The following FCAMR variants were observed in gnomAD, a reference collection of about 807,000 sequenced individuals.
FCAMR encodes high affinity immunoglobulin alpha and immunoglobulin mu Fc receptor.
Under a neutral mutation model 52.2 loss-of-function variants are expected in FCAMR, and 51 were observed. The ratio of observed to expected loss-of-function variants is 0.98; its 90% CI spans 0.78 to 1.23. FCAMR has a LOEUF of 1.23. Among genes scored for constraint, FCAMR ranks in the 50% most tolerant of loss-of-function variants. The pLI is 0.00. For synonymous variants in FCAMR, 282 were observed against 262.0 expected (o/e 1.08, Z -0.74); for missense variants, 719 against 712.6 (o/e 1.01, Z -0.10).
At chr1:206,959,949 G>T in intron 6 of FCAMR, 152 bp from the exon 7 acceptor site, 1 of 634,218 alleles carries the variant, frequency 1.6e-6, no homozygotes, top group Non-Finnish European at 2.8e-6. Flanking sequence ...TAGTGTCAGA[G>T]CTTGGGGCTA....
At chr1:206,965,967 A>C in intron 3 of FCAMR, 109 bp from the exon 4 acceptor site, 1 of 1,453,990 alleles carries the variant, frequency 6.9e-7, no homozygotes, top group Non-Finnish European at 9.5e-7. Context: ...CAGGCCAGAT[A>C]GCTCCAGGCC....
At position 206,967,665 on chromosome 1, in the gene FCAMR, G is replaced by A; in HGVS notation, c.40-14C>T. The A allele has an allele frequency of 6.2e-7, 1 of 1,613,702 alleles. No homozygotes were observed. The highest frequency in any genetic ancestry group is 8.5e-7 in the Non-Finnish European group (1 of 1,179,676). Reference sequence around the variant, plus strand: ...CCTCACCACTTCCTGTTTGCAGAAGGGGAATTGGTTTTTTCAAGGGAAGAT... The same window carrying A: ...CCTCACCACTTCCTGTTTGCAGAAGAGGAATTGGTTTTTTCAAGGGAAGAT... On this transcript the variant is annotated splice_polypyrimidine_tract_variant and intron_variant, in intron 1 of 7. Transcript: ENST00000324852.
In FCAMR at chr1:206,970,138, A is replaced by T. The variant is rs1182959395; in HGVS notation, c.-13T>A. On this transcript the variant is annotated 5_prime_UTR_variant, in exon 1 of 8. Coordinates refer to ENST00000324852, the MANE Select transcript of FCAMR (RefSeq NM_001170631.2). ...CCTCTCCATCCATCTCAGTCCAGAAACAAGATCCAGGTGGACTTTTCTTCT... is the reference window on the plus strand; with the variant it reads ...CCTCTCCATCCATCTCAGTCCAGAATCAAGATCCAGGTGGACTTTTCTTCT... 5 of 1,613,944 alleles carry T rather than the reference A, an allele frequency of 3.1e-6. No individual in the cohort carries two copies. The highest frequency in any genetic ancestry group is 1.1e-5 in the South Asian group (1 of 91,070).
chr1:206,970,023 G>A (rs1161804715), intron 1 of FCAMR, 64 bp downstream of exon 1: 7 of 1,593,604 alleles, frequency 4.4e-6, no homozygotes, highest in Non-Finnish European at 6.0e-6. Flanking sequence ...GACAGCTATG[G>A]CTGCAGTTCA....
chr1:206,959,161 A>G (rs1332712647), intron 7 of FCAMR, among the ~76,000 whole-genome samples: 1 of 152,238 alleles, frequency 6.6e-6, no homozygotes, highest in East Asian at 1.9e-4. Context: ...ACACGTAAGT[A>G]CAGAGATAAT....
chr1:206,960,458 G>C lies in FCAMR; in HGVS notation c.1418C>G (p.Pro473Arg). 6.5e-7 allele frequency: 1 copy of C among 1,527,138 alleles called. No homozygotes were observed. Among genetic ancestry groups the C allele is most frequent in the South Asian group, 1.3e-5 (1 of 79,806 alleles). The allele number at this position is 1,527,138 out of a possible 1,614,324, so 94.6% of individuals were successfully genotyped here. The change falls in exon 6 of 8, where the codon CCC (proline) becomes CGC (arginine). Residue 473 changes from proline (P) to arginine (R), a missense_variant. By Grantham distance (103) the Pro-to-Arg change is moderately radical. Transcript: ENST00000324852. ...GGACTCCTTGCCAGGGGGTCCCCAG[G>C]GTCCTACTGCCGGGGTCTGGCTCAG... ...ATLSQTPAVG[P>R]WGPPGKESSV...
At chr1:206,965,689 G>C (rs761418394) in intron 4 of FCAMR, 26 bp downstream of exon 4, 1 of 1,535,452 alleles carries the variant, frequency 6.5e-7, no homozygotes, top group East Asian at 2.4e-5. Flanking sequence ...GTCCATGGTC[G>C]AACAAAGGGA....
intron 1 of FCAMR, chr1:206,969,483 T>A (rs1460359769): frequency 2.9e-6 from 1 of 345,824 alleles, no homozygotes. Context: ...CTTCTGTTAC[T>A]GCACACTGCG....
intron 5 of FCAMR, 92 bp from the exon 6 acceptor site, chr1:206,961,315 G>T: frequency 1.9e-6 from 2 of 1,030,170 alleles, no homozygotes; most frequent in Non-Finnish European, 2.8e-6. Flanking sequence ...TGTCTGCTAA[G>T]TGGAATGCAA....
chr1:206,959,883 A>G (rs1047189497), intron 6 of FCAMR, 86 bp from the exon 7 acceptor site: 1 of 1,139,280 alleles, frequency 8.8e-7, no homozygotes, highest in Non-Finnish European at 1.3e-6. Context: ...TCCTTACTTT[A>G]CAGATTGGGG....
chr1:206,969,312 A>T (rs1199409453), intron 1 of FCAMR: 1 of 456,468 alleles, frequency 2.2e-6, no homozygotes. Context: ...AGGAAGCAGG[A>T]GTATGAGATA....
chr1:206,969,410 G>T, intron 1 of FCAMR: 1 of 405,914 alleles, frequency 2.5e-6, no homozygotes, highest in South Asian at 1.8e-5. Context: ...CTCTGCCAAT[G>T]ACCTTCAGAA....
chr1:206,969,321 T>C (rs769212706), intron 1 of FCAMR: 19 of 456,206 alleles, frequency 4.2e-5, no homozygotes, highest in South Asian at 2.9e-4. Context: ...GAGTATGAGA[T>C]AAAATGTTTC....
At chr1:206,968,216 G>A (rs1408418125) in intron 1 of FCAMR, among the ~76,000 whole-genome samples, 1 of 152,216 alleles carries the variant, frequency 6.6e-6, no homozygotes, top group South Asian at 2.1e-4. Flanking sequence ...GCACATGCCT[G>A]TAATCCCAGC....
In FCAMR at chr1:206,958,418, A is replaced by T. The variant is rs1572656603; in HGVS notation, c.*98T>A. The T allele has an allele frequency of 1.2e-5, 16 of 1,335,988 alleles. No homozygotes were observed. Among genetic ancestry groups the T allele is most frequent in the Non-Finnish European group, 1.6e-5 (16 of 994,010 alleles). 82.8% of individuals were successfully genotyped at this position (1,335,988 alleles called of 1,614,324 possible). Reference sequence around the variant, plus strand: ...ACCGGCTGCATCAGCTTCTCTTCCCACAGGTGGAGGAAGGATGATGGAAAG... The same window carrying T: ...ACCGGCTGCATCAGCTTCTCTTCCCTCAGGTGGAGGAAGGATGATGGAAAG... On this transcript the variant is annotated 3_prime_UTR_variant, in exon 8 of 8. Transcript: ENST00000324852.
intron 4 of FCAMR, among the ~76,000 whole-genome samples, chr1:206,964,999 A>G (rs996622949): frequency 2.6e-5 from 4 of 152,210 alleles, no homozygotes; most frequent in African/African-American, 9.7e-5. Context: ...CTGCTGGAAG[A>G]GTAGAGGTCA....
At chr1:206,962,143 G>A in intron 5 of FCAMR, 70 bp downstream of exon 5, 3 of 1,487,484 alleles carry the variant, frequency 2.0e-6, no homozygotes, top group Non-Finnish European at 2.8e-6. Context: ...GGTCTCTGAG[G>A]CTTCTCTCCC....
chr1:206,959,630 A>G (rs1335650072), intron 7 of FCAMR, 49 bp downstream of exon 7: 1 of 1,464,860 alleles, frequency 6.8e-7, no homozygotes, highest in East Asian at 2.3e-5. Context: ...TGAGGGTGTC[A>G]GGTGGGAACC....
intron 1 of FCAMR, 61 bp from the exon 2 acceptor site, chr1:206,967,712 C>A: frequency 6.7e-7 from 1 of 1,489,742 alleles, no homozygotes; most frequent in Non-Finnish European, 9.4e-7. Context: ...TGTTAGTATG[C>A]CTCGGTTAGT....
Sources: allele counts gnomAD v4.1 joint callset (sites outside exome capture counted in the v4.1 genomes callset), GRCh38; gene constraint gnomAD v4.1.1; transcripts MANE v1.5; gene names NCBI Gene and HGNC (gene_info 2026-07-23, HGNC 2026-07-21).